The following CFAP221 variants were observed in gnomAD, a reference collection of about 807,000 sequenced individuals.
CFAP221 encodes cilia and flagella associated protein 221, also known as cilia- and flagella-associated protein 221.
In CFAP221, 97 loss-of-function variants were observed where a neutral mutation model predicts 113.1. The observed-to-expected ratio is 0.86, with a 90% CI of 0.73 to 1.02. The LOEUF is 1.02. Ranked by LOEUF, CFAP221 falls within the 50% of genes least tolerant of loss-of-function variation. The pLI, the probability that CFAP221 is intolerant of heterozygous loss-of-function variation, is 0.00. For synonymous variants in CFAP221, 331 were observed against 354.4 expected (o/e 0.93, Z 0.74); for missense variants, 1,025 against 1,013.4 (o/e 1.01, Z -0.16).
intron 13 of CFAP221, among the ~76,000 whole-genome samples, chr2:119,614,393 T>C (rs1036644569): frequency 6.6e-6 from 1 of 152,206 alleles, no homozygotes; most frequent in African/African-American, 2.4e-5. Context: ...CACTCTGCTA[T>C]GAAGAAATAC....
intron 19 of CFAP221, among the ~76,000 whole-genome samples, chr2:119,633,126 C>A (rs1686893165): frequency 6.6e-6 from 1 of 151,910 alleles, no homozygotes; most frequent in South Asian, 2.1e-4. Flanking sequence ...AATCTTTCAA[C>A]AAATAATGTT....
At chr2:119,588,817 T>G (rs1334110448) in intron 7 of CFAP221, among the ~76,000 whole-genome samples, 1 of 152,136 alleles carries the variant, frequency 6.6e-6, no homozygotes, top group Non-Finnish European at 1.5e-5. Context: ...GGACATACAC[T>G]TGGATGTCAC....
chr2:119,658,990 CAA>C (rs797017807), downstream of CFAP221, among the ~76,000 whole-genome samples: 1 of 75,526 alleles, frequency 1.3e-5, no homozygotes, highest in African/African-American at 5.1e-5. Flanking sequence ...GAGCCTGTCT[CAA>C]AAAAAAAAAA....
At chr2:119,588,419 A>G (rs957424485) in intron 7 of CFAP221, among the ~76,000 whole-genome samples, 9 of 152,238 alleles carry the variant, frequency 5.9e-5, no homozygotes, top group East Asian at 1.9e-4. Flanking sequence ...GAAAAGCTCA[A>G]TAGCTTATGG....
At chr2:119,601,149 G>A (rs1401112675) in intron 7 of CFAP221, 69 bp from the exon 8 acceptor site, 2 of 1,350,124 alleles carry the variant, frequency 1.5e-6, no homozygotes, top group African/African-American at 2.9e-5. Flanking sequence ...ATATTTGTGT[G>A]TGTGTCAGCA....
At chr2:119,623,996 A>C (rs1400276083) in intron 14 of CFAP221, among the ~76,000 whole-genome samples, 2 of 152,238 alleles carry the variant, frequency 1.3e-5, no homozygotes, top group East Asian at 3.8e-4. Context: ...AAGCAATGGC[A>C]ACAAAAGACA....
In CFAP221 at chr2:119,649,802, C is replaced by T. The variant is rs189487313; in HGVS notation, c.2319-2172C>T. 3.4e-4 allele frequency among the ~76,000 whole-genome samples: 52 copies of T among 152,302 alleles called. No homozygotes were observed. In the East Asian group the frequency reaches 9.8e-3, roughly 29 times the overall value. ...ATCTTAGGATGTTGCATTCTCAGTA[C>T]ATCCTTGTCCAAGAATTGCAAGAAA... On this transcript the variant is annotated intron_variant, in intron 22 of 23. Transcript: ENST00000413369.
At chr2:119,559,832 T>C in intron 4 of CFAP221, 57 bp downstream of exon 4, 5 of 1,464,728 alleles carry the variant, frequency 3.4e-6, no homozygotes, top group Non-Finnish European at 3.7e-6. Context: ...GTCTCAGGCC[T>C]GTGTGGGGTG....
intron 16 of CFAP221, among the ~76,000 whole-genome samples, chr2:119,628,688 T>C (rs1445676803): frequency 1.3e-5 from 2 of 152,250 alleles, no homozygotes; most frequent in Admixed American, 1.3e-4. Context: ...TTCTAAAATA[T>C]TTGTTAAGCA....
chr2:119,603,904 C>T (rs1684536634), intron 8 of CFAP221, among the ~76,000 whole-genome samples: 1 of 152,152 alleles, frequency 6.6e-6, no homozygotes, highest in Non-Finnish European at 1.5e-5. Context: ...GGGCTATTAG[C>T]TGCACTACCT....
intron 20 of CFAP221, among the ~76,000 whole-genome samples, chr2:119,638,866 G>C (rs1001750439): frequency 3.9e-5 from 6 of 151,970 alleles, no homozygotes; most frequent in Middle Eastern, 3.2e-3. Flanking sequence ...AATATCCCCT[G>C]ACACCCCTTG....
intron 6 of CFAP221, among the ~76,000 whole-genome samples, chr2:119,564,828 G>T (rs1402194009): frequency 6.6e-6 from 1 of 152,110 alleles, no homozygotes; most frequent in Non-Finnish European, 1.5e-5. Context: ...TTTTTGCTAT[G>T]CTGAACATTG....
rs1427224277 is a variant in CFAP221, at chr2:119,638,334, T to C, written c.2050T>C (p.Ser684Pro). Residue 684 changes from serine (S) to proline (P), a missense_variant, in exon 20 of 24, where the codon TCT becomes CCT. Transcript: ENST00000413369. ...AETLIDYHLCSHPKYKFTKES... is the reference protein window; with the variant it reads ...AETLIDYHLCPHPKYKFTKES... ...AACGTTGATAGATTACCATCTATGC[T>C]CTCACCCCAAGTACAAATTCACCAA... The C allele has an allele frequency of 1.1e-5, 18 of 1,613,832 alleles. No homozygotes were observed. The highest frequency in any genetic ancestry group is 1.5e-5 in the Non-Finnish European group (18 of 1,179,824).
At chr2:119,635,641 A>G (rs904446696) in intron 19 of CFAP221, among the ~76,000 whole-genome samples, 1 of 152,214 alleles carries the variant, frequency 6.6e-6, no homozygotes, top group South Asian at 2.1e-4. Flanking sequence ...AACAAATGTT[A>G]TATCAAACTA....
chr2:119,610,445 C>T (rs1685072129), intron 12 of CFAP221, among the ~76,000 whole-genome samples: 1 of 152,096 alleles, frequency 6.6e-6, no homozygotes, highest in Non-Finnish European at 1.5e-5. Context: ...GGATGATGAG[C>T]TTTTACTCAT....
downstream of CFAP221, among the ~76,000 whole-genome samples, chr2:119,659,956 T>A (rs1417021081): frequency 1.3e-5 from 2 of 152,228 alleles, no homozygotes; most frequent in Non-Finnish European, 2.9e-5. Context: ...ATCACTTCGT[T>A]CACCAACATC....
At chr2:119,566,459 G>A (rs1277956749) in intron 6 of CFAP221, among the ~76,000 whole-genome samples, 2 of 152,070 alleles carry the variant, frequency 1.3e-5, no homozygotes, top group Non-Finnish European at 1.5e-5. Context: ...ATTTTTGTTC[G>A]TGTCACAGCA....
At chr2:119,613,978 C>A (rs557948412) in intron 13 of CFAP221, among the ~76,000 whole-genome samples, 6 of 152,364 alleles carry the variant, frequency 3.9e-5, no homozygotes, top group East Asian at 3.9e-4. Context: ...CCCAAGTCAC[C>A]TCTTGAACAC....
chr2:119,627,835 T>C, intron 16 of CFAP221, 49 bp downstream of exon 16: 2 of 1,605,984 alleles, frequency 1.2e-6, no homozygotes, highest in Non-Finnish European at 1.7e-6. Flanking sequence ...ATCATGATCG[T>C]GTTGGGCAGA....
Sources: gnomAD v4.1 joint callset for allele counts (sites outside exome capture counted in the v4.1 genomes callset) on GRCh38, gnomAD v4.1.1 for gene constraint, MANE v1.5 for transcripts, NCBI Gene and HGNC (gene_info 2026-07-23, HGNC 2026-07-21) for gene names.